The following NEBL variants were observed in gnomAD, a reference collection of about 807,000 sequenced individuals.
NEBL encodes nebulette.
Under a neutral mutation model 140.2 loss-of-function variants are expected in NEBL, and 122 were observed. That is an observed-to-expected ratio of 0.87 (90% CI 0.75 to 1.01). NEBL has a LOEUF of 1.01. Among genes scored for constraint, NEBL ranks in the 50% least tolerant of loss-of-function variants. NEBL has a pLI of 0.00. For synonymous variants in NEBL, 436 were observed against 398.9 expected, an observed-to-expected ratio of 1.09 and a Z score of -1.11; for missense variants, 1,365 against 1,231.3, an observed-to-expected ratio of 1.11 and a Z score of -1.62.
At chr10:21,263,880 A>C (rs112239439) in intron 1 of NEBL, among the ~76,000 whole-genome samples, 5,656 of 152,166 alleles carry the variant, frequency 0.037, 365 homozygotes, top group African/African-American at 0.13. Flanking sequence ...CAGGAGAATC[A>C]CTTGAACCTG....
chr10:21,029,664 C>A, intron 2 of NEBL: 1 of 1,217,362 alleles, frequency 8.2e-7, no homozygotes, highest in Non-Finnish European at 1.2e-6. Flanking sequence ...GGTTTGGAGA[C>A]AAGTATCGAG....
chr10:20,896,957 C>T lies in NEBL; in HGVS notation c.153+1G>A, dbSNP rs754255016. On this transcript the variant is annotated splice_donor_variant, in intron 2 of 27. Transcript: ENST00000377122. LOFTEE classifies it high-confidence loss of function. ...AGACAAAAATTACTCCAGCCACTTA[C>T]ATCGCTAATGAGTTCCGTGCATTTT... The T allele has an allele frequency of 1.9e-5, 30 of 1,613,536 alleles. No individual in the cohort carries two copies. The South Asian group carries it at 3.1e-4, about 17-fold the overall frequency.
intron 26 of NEBL, among the ~76,000 whole-genome samples, chr10:20,794,703 G>C (rs183010725): frequency 6.6e-6 from 1 of 152,240 alleles, no homozygotes; most frequent in East Asian, 1.9e-4. Flanking sequence ...ACTTCCCCAG[G>C]AATACTGAAT....
chr10:21,216,157 C>T (rs1841989919), intron 3 of NEBL, among the ~76,000 whole-genome samples: 1 of 152,158 alleles, frequency 6.6e-6, no homozygotes, highest in Non-Finnish European at 1.5e-5. Context: ...GGAAAGCCAG[C>T]CACGAGTTGT....
intron 1 of NEBL, among the ~76,000 whole-genome samples, chr10:21,283,806 C>G: frequency 6.6e-6 from 1 of 151,884 alleles, no homozygotes; most frequent in Non-Finnish European, 1.5e-5. Flanking sequence ...AGATAAGGGA[C>G]CTGAGCTGAA....
intron 3 of NEBL, among the ~76,000 whole-genome samples, chr10:21,000,277 C>A (rs576056086): frequency 5.1e-4 from 78 of 151,946 alleles, no homozygotes; most frequent in African/African-American, 1.7e-3. Context: ...TATTGCCCTG[C>A]CCTCAAGGGG....
At chr10:21,227,713 T>TTCTTCTTCTTC (rs1842180073) in intron 3 of NEBL, among the ~76,000 whole-genome samples, 2 of 63,680 alleles carry the variant, frequency 3.1e-5, no homozygotes, top group Admixed American at 3.5e-4. Context: ...TCTTCTTCTT[T>TTCTTCTTCTTC]CTTCTTCTTC....
chr10:21,122,207 A>G (rs1589256183), intron 2 of NEBL, among the ~76,000 whole-genome samples: 2 of 151,908 alleles, frequency 1.3e-5, no homozygotes, highest in South Asian at 2.1e-4. Context: ...TGTATTTTTA[A>G]TAGAGACAGG....
At chr10:20,858,034 T>C (rs896807369) in intron 9 of NEBL, among the ~76,000 whole-genome samples, 11 of 152,068 alleles carry the variant, frequency 7.2e-5, no homozygotes, top group African/African-American at 2.2e-4. Flanking sequence ...CAGGAGATAC[T>C]GGAGAGCAAG....
chr10:21,286,720 G>A (rs1843060626), intron 1 of NEBL, among the ~76,000 whole-genome samples: 1 of 152,120 alleles, frequency 6.6e-6, no homozygotes, highest in Non-Finnish European at 1.5e-5. Flanking sequence ...TGTAGTCCCA[G>A]TTACTCGGGA....
chr10:21,199,609 T>C (rs968735560), intron 3 of NEBL, among the ~76,000 whole-genome samples: 2 of 152,180 alleles, frequency 1.3e-5, no homozygotes, highest in Non-Finnish European at 2.9e-5. Flanking sequence ...CTTGGACTGA[T>C]CTGAGAAGGA....
intron 2 of NEBL, chr10:21,029,542 C>T: frequency 6.2e-7 from 1 of 1,606,788 alleles, no homozygotes; most frequent in Non-Finnish European, 8.5e-7. Context: ...CAGGGACGAT[C>T]GTTCTTTTGG....
At chr10:20,868,345 T>G in intron 7 of NEBL, 2 of 294,528 alleles carry the variant, frequency 6.8e-6, no homozygotes, top group East Asian at 7.6e-5. Context: ...TGTGTGTAGG[T>G]TAAAACACAA....
In NEBL at chr10:21,257,916, A is replaced by AACAC. The variant is rs10660140; in HGVS notation, n.183-6092_183-6089dup. 3.8e-3 allele frequency among the ~76,000 whole-genome samples: 571 copies of AACAC among 150,638 alleles called. 6 individuals are homozygous for AACAC. Among genetic ancestry groups the AACAC allele is most frequent in the African/African-American group, 0.012 (471 of 40,946 alleles). ...ACACACCCCAAAAAAAAAACATCAAAACACACACACACACACTACATACAT... is the reference window on the plus strand; with the variant it reads ...ACACACCCCAAAAAAAAAACATCAAAACACACACACACACACACACTACATACAT... On this transcript the variant is annotated intron_variant and non_coding_transcript_variant, in intron 1 of 8. Transcript: ENST00000675702.
intron 7 of NEBL, among the ~76,000 whole-genome samples, chr10:20,865,873 A>C (rs1844228792): frequency 6.6e-6 from 1 of 152,064 alleles, no homozygotes; most frequent in African/African-American, 2.4e-5. Flanking sequence ...TGTCCACTTC[A>C]TTTTCATTCC....
chr10:20,844,551 G>T (rs540054581), intron 12 of NEBL, among the ~76,000 whole-genome samples: 96 of 150,258 alleles, frequency 6.4e-4, no homozygotes, highest in Non-Finnish European at 4.9e-4. Flanking sequence ...CTATAGACAT[G>T]ATATTTTTAG....
intron 2 of NEBL, among the ~76,000 whole-genome samples, chr10:21,089,815 A>G (rs567357772): frequency 5.7e-4 from 83 of 145,628 alleles, no homozygotes; most frequent in African/African-American, 2.1e-3. Flanking sequence ...CATTCGAGTT[A>G]AAATAAGAAA....
chr10:21,287,372 C>T (rs112020088), intron 1 of NEBL, among the ~76,000 whole-genome samples: 8,295 of 152,084 alleles, frequency 0.055, 282 homozygotes, highest in Admixed American at 0.093. Flanking sequence ...CCCATCTCTC[C>T]CAAAAATACA....
chr10:20,859,011 T>C (rs1195356262), intron 8 of NEBL, among the ~76,000 whole-genome samples: 1 of 152,128 alleles, frequency 6.6e-6, no homozygotes, highest in Non-Finnish European at 1.5e-5. Context: ...TTCAGCACTA[T>C]GTTCCATGTT....
Sources: allele counts gnomAD v4.1 joint callset (sites outside exome capture counted in the v4.1 genomes callset), GRCh38; gene constraint gnomAD v4.1.1; transcripts MANE v1.5; gene names NCBI Gene and HGNC (gene_info 2026-07-23, HGNC 2026-07-21).